ARK2C: variants seen among roughly 807,000 people sequenced by gnomAD.
ARK2C encodes arkadia (RNF111) C-terminal like ring finger ubiquitin ligase 2C.
the ARK2C span, among the ~76,000 whole-genome samples, chr18:46,424,288 G>T: frequency 6.6e-6 from 1 of 152,204 alleles, no homozygotes. Flanking sequence ...GGGCCCAGAG[G>T]CAGGCAAGGC....
At chr18:46,383,062 C>A in the ARK2C span, among the ~76,000 whole-genome samples, 1 of 152,286 alleles carries the variant, frequency 6.6e-6, no homozygotes, top group East Asian at 1.9e-4. Flanking sequence ...GCATCCATCT[C>A]ATGCCTGCCT....
chr18:46,433,658 T>C, the ARK2C span, among the ~76,000 whole-genome samples: 4 of 152,236 alleles, frequency 2.6e-5, no homozygotes, highest in African/African-American at 9.6e-5. Flanking sequence ...CTTCTCTCCC[T>C]GGCCTGGCCG....
At chr18:46,456,040 A>G in the ARK2C span, 1 of 1,613,100 alleles carries the variant, frequency 6.2e-7, no homozygotes, top group Non-Finnish European at 8.5e-7. Flanking sequence ...TGAGAAATGC[A>G]CAATTTGTCT....
chr18:46,423,163 G>T, the ARK2C span, among the ~76,000 whole-genome samples: 36 of 152,264 alleles, frequency 2.4e-4, no homozygotes, highest in East Asian at 6.8e-3. Flanking sequence ...TTCCTTTGGG[G>T]GATGTCCAAA....
chr18:46,356,406 G>T, the ARK2C span, among the ~76,000 whole-genome samples: 4 of 152,094 alleles, frequency 2.6e-5, no homozygotes, highest in African/African-American at 7.2e-5. Flanking sequence ...ATGCTGGAGT[G>T]GGGGTGGGGA....
the ARK2C span, among the ~76,000 whole-genome samples, chr18:46,353,573 A>T: frequency 6.6e-6 from 1 of 151,912 alleles, no homozygotes; most frequent in Non-Finnish European, 1.5e-5. Flanking sequence ...TTACCTAAAA[A>T]CCCTTAATCC....
chr18:46,361,250 A>G, the ARK2C span, among the ~76,000 whole-genome samples: 1 of 152,208 alleles, frequency 6.6e-6, no homozygotes, highest in Admixed American at 6.5e-5. Flanking sequence ...ACAAAAGACA[A>G]AGATGAACTC....
chr18:46,426,617 G>T, the ARK2C span, among the ~76,000 whole-genome samples: 1 of 152,120 alleles, frequency 6.6e-6, no homozygotes, highest in Non-Finnish European at 1.5e-5. Flanking sequence ...TCTCAGGTGT[G>T]CTCACTGTCC....
chr18:46,418,279 C>A, the ARK2C span, among the ~76,000 whole-genome samples: 1 of 152,086 alleles, frequency 6.6e-6, no homozygotes, highest in Non-Finnish European at 1.5e-5. Flanking sequence ...ATCGCTTGAG[C>A]CCAGGAGACA....
the ARK2C span, among the ~76,000 whole-genome samples, chr18:46,378,991 C>T: frequency 6.6e-6 from 1 of 152,210 alleles, no homozygotes; most frequent in African/African-American, 2.4e-5. Flanking sequence ...CCCCAGGGCT[C>T]ACCTGCTCCT....
At chr18:46,369,414 G>T in the ARK2C span, among the ~76,000 whole-genome samples, 2 of 152,234 alleles carry the variant, frequency 1.3e-5, no homozygotes, top group East Asian at 3.9e-4. Flanking sequence ...GGACAGGGCA[G>T]GGAGGAAGCT....
the ARK2C span, among the ~76,000 whole-genome samples, chr18:46,399,198 G>A: frequency 1.4e-4 from 22 of 152,214 alleles, no homozygotes; most frequent in Admixed American, 1.4e-3. Flanking sequence ...TGAATCCTTC[G>A]AGGAGAAGGT....
the ARK2C span, among the ~76,000 whole-genome samples, chr18:46,393,628 C>T: frequency 1.3e-5 from 2 of 152,136 alleles, no homozygotes; most frequent in Non-Finnish European, 2.9e-5. Context: ...CTAAGGTCAC[C>T]CCACCCCCAG....
At chr18:46,391,861 C>A in the ARK2C span, among the ~76,000 whole-genome samples, 2 of 151,730 alleles carry the variant, frequency 1.3e-5, no homozygotes, top group African/African-American at 4.9e-5. Context: ...AATACACCCC[C>A]CATATGCAAC....
the ARK2C span, among the ~76,000 whole-genome samples, chr18:46,409,321 C>T: frequency 9.9e-5 from 15 of 152,204 alleles, no homozygotes; most frequent in Non-Finnish European, 1.3e-4. Context: ...CAAACAAGTC[C>T]GGTGAGATTG....
chr18:46,415,384 T>C, the ARK2C span, among the ~76,000 whole-genome samples: 2 of 151,918 alleles, frequency 1.3e-5, no homozygotes, highest in African/African-American at 4.8e-5. Context: ...TTTATATTTA[T>C]AGGCAGTGGT....
chr18:46,442,267 C>G, the ARK2C span, among the ~76,000 whole-genome samples: 1,793 of 152,062 alleles, frequency 0.012, 35 homozygotes, highest in African/African-American at 0.041. Context: ...TTATTTCCTC[C>G]CTTCTACTTA....
the ARK2C span, among the ~76,000 whole-genome samples, chr18:46,449,528 TC>T: frequency 6.6e-6 from 1 of 152,118 alleles, no homozygotes; most frequent in Non-Finnish European, 1.5e-5. Context: ...TGGCTCTGTA[TC>T]CCCACCCAAA....
At chr18:46,360,663 G>T in the ARK2C span, among the ~76,000 whole-genome samples, 1 of 152,164 alleles carries the variant, frequency 6.6e-6, no homozygotes, top group African/African-American at 2.4e-5. Context: ...CTTCCCTGGG[G>T]GCCAGGGGAT....
Sources: allele counts gnomAD v4.1 joint callset (sites outside exome capture counted in the v4.1 genomes callset), GRCh38; gene constraint gnomAD v4.1.1; transcripts MANE v1.5; gene names NCBI Gene and HGNC (gene_info 2026-07-23, HGNC 2026-07-21).